MYH7: variants seen among roughly 807,000 people sequenced by gnomAD.
MYH7 encodes myosin heavy chain 7.
A neutral mutation model predicts 225.4 loss-of-function variants in MYH7; 129 were observed. The observed-to-expected ratio is 0.57, with a 90% CI of 0.50 to 0.66. The LOEUF (loss-of-function observed/expected upper bound fraction) is 0.66, where lower values mean the gene tolerates loss of function less well. Among genes scored for constraint, MYH7 ranks in the 30% least tolerant of loss-of-function variants. The pLI, the probability that MYH7 is intolerant of heterozygous loss-of-function variation, is 0.00. For missense variants in MYH7, 1,649 were observed against 2,517.0 expected, an observed-to-expected ratio of 0.66 and a Z score of 7.38; for synonymous variants, 971 against 1,007.6, an observed-to-expected ratio of 0.96 and a Z score of 0.69.
At chr14:23,417,879 C>A in intron 30 of MYH7, 193 bp from the exon 31 acceptor site, 1 of 926,190 alleles carries the variant, frequency 1.1e-6, no homozygotes. Flanking sequence ...CAGGCACCCT[C>A]TGACCCTGGC....
chr14:23,418,294 G>A lies in MYH7; in HGVS notation c.4085C>T (p.Ser1362Phe), dbSNP rs1335436245. 4.3e-6 allele frequency: 7 copies of A among 1,613,662 alleles called. No individual in the cohort carries two copies. Among genetic ancestry groups the A allele is most frequent in the Non-Finnish European group, 5.9e-6 (7 of 1,180,056 alleles). Residue 1362 changes from serine (S) to phenylalanine (F), a missense_variant, in exon 30 of 40, where the codon TCC becomes TTC. Ser to Phe is a radical substitution (Grantham distance 155, BLOSUM62 -2). This residue lies in a region of MYH7 where 687 missense variants were observed against 913.8 expected (regional missense o/e 0.75). Transcript: ENST00000355349. Reference protein sequence around the residue: ...EAKAELQRVLSKANSEVAQWR... With the variant: ...EAKAELQRVLFKANSEVAQWR... ...CTGGGCCACCTCCGAGTTGGCCTTG[G>A]AAAGGACGCGCTGCAGCTCGGCCTT...
chr14:23,417,653 C>T lies in MYH7; in HGVS notation c.4203G>A (p.Glu1401=), dbSNP rs774351170. ...KKLAQRLQEA[E]EAVEAVNAKC... ...TGGCATTAACAGCCTCCACGGCCTC[C>T]TCAGCTTCCTGCAGCCGCTGGGCCA... The change falls in exon 31 of 40, where the codon GAG becomes GAA. Residue 1401 remains glutamate, a synonymous_variant. Coordinates refer to ENST00000355349, the MANE Select transcript of MYH7 (RefSeq NM_000257.4). 1.2e-6 allele frequency: 2 copies of T among 1,612,938 alleles called. No homozygotes were observed. The highest frequency in any genetic ancestry group is 1.7e-5 in the Admixed American group (1 of 60,014).
At chr14:23,413,195 T>TG (rs915816125) in intron 39 of MYH7, among the ~76,000 whole-genome samples, 1 of 152,008 alleles carries the variant, frequency 6.6e-6, no homozygotes, top group Non-Finnish European at 1.5e-5. Context: ...AACTAGCAGT[T>TG]GGGGGGAAAC....
rs76460385 is a variant in MYH7 at position 23,435,332 on chromosome 14, C to A, written c.-65+288G>T. Among the ~76,000 whole-genome samples, 911 of 151,846 alleles carry A rather than the reference C, an allele frequency of 6.0e-3. 6 individuals are homozygous for A. The highest frequency in any genetic ancestry group is 0.02 in the African/African-American group (837 of 41,316). ...TCTGTATCAGTCAGTGAGGTACATA[C>A]CCTTTCTCACATTCAGACTATGCAG... is the stretch of plus-strand genomic sequence containing the variant. On this transcript the variant is annotated intron_variant, in intron 1 of 39. Coordinates refer to ENST00000355349, the MANE Select transcript of MYH7 (RefSeq NM_000257.4).
intron 37 of MYH7, 69 bp from the exon 38 acceptor site, chr14:23,414,171 G>T: frequency 7.2e-7 from 1 of 1,387,022 alleles, no homozygotes; most frequent in Non-Finnish European, 1.0e-6. Flanking sequence ...CCTCCGCCCT[G>T]CCCTGCTTCA....
At position 23,423,947 on chromosome 14, in the gene MYH7, A is replaced by C. The variant is rs727504374; in HGVS notation, c.2882T>G (p.Leu961Arg). 6.2e-7 allele frequency: 1 copy of C among 1,614,134 alleles called. No homozygotes were observed. The highest frequency in any genetic ancestry group is 8.5e-7 in the Non-Finnish European group (1 of 1,180,020). Residue 961 changes from leucine (L) to arginine (R), a missense_variant, in exon 23 of 40, where the codon CTG becomes CGG. By Grantham distance (102) the Leu-to-Arg change is moderately radical (BLOSUM62 -2). Around this residue, in one of 12 missense-constraint regions of MYH7, gnomAD observed 282 missense variants for 315.3 expected, o/e 0.89. Coordinates refer to ENST00000355349, the MANE Select transcript of MYH7 (RefSeq NM_000257.4). ...GTGTTTCTCCTTCTCCACTTTGGCC[A>C]GTGTCAGCTCCAGATCATCGATGTC... Reference protein sequence around the residue: ...KRDIDDLELTLAKVEKEKHAT... With the variant: ...KRDIDDLELTRAKVEKEKHAT...
intron 1 of MYH7, 129 bp from the exon 2 acceptor site, chr14:23,434,378 G>T: frequency 2.0e-6 from 1 of 498,108 alleles, no homozygotes; most frequent in South Asian, 8.5e-5. Flanking sequence ...AGGGTGGTCA[G>T]CTTCTCTGGT....
At position 23,419,977 on chromosome 14, in the gene MYH7, G is replaced by C; in HGVS notation, c.3594C>G (p.Asp1198Glu). 1 of 1,605,138 alleles carries C rather than the reference G, an allele frequency of 6.2e-7. No individual in the cohort carries two copies. The highest frequency in any genetic ancestry group is 2.2e-5 in the East Asian group (1 of 44,730). Residue 1198 changes from aspartate (D) to glutamate (E), a missense_variant, in exon 27 of 40, where the codon GAC (aspartate) becomes GAG (glutamate). Transcript: ENST00000355349. Reference sequence around the variant, plus strand: ...TCTGCTCGCCCAGCTCGGCCACGCTGTCGGCGTGCTTCTTGCGCAGGGCCG... The same window carrying C: ...TCTGCTCGCCCAGCTCGGCCACGCTCTCGGCGTGCTTCTTGCGCAGGGCCG... The part of the protein sequence containing the change: ...TAAALRKKHA[D>E]SVAELGEQID...
chr14:23,426,945 A>G, intron 17 of MYH7, 81 bp from the exon 18 acceptor site: 1 of 1,283,400 alleles, frequency 7.8e-7, no homozygotes, highest in East Asian at 2.4e-5. Flanking sequence ...AGAAGGAAGG[A>G]AAAGAGAGAT....
Position 23,417,632 on chromosome 14 carries a change from A to G in MYH7, c.4224T>C (p.Asn1408=), listed in dbSNP as rs747540624. 4 of 1,612,930 alleles carry G rather than the reference A, an allele frequency of 2.5e-6. No individual in the cohort carries two copies. The highest frequency in any genetic ancestry group is 2.7e-5 in the African/African-American group (2 of 74,918). The change falls in exon 31 of 40, where the codon AAT becomes AAC. Residue 1408 remains asparagine, a synonymous_variant. Coordinates refer to ENST00000355349, the MANE Select transcript of MYH7 (RefSeq NM_000257.4). The part of the protein sequence containing the change: ...QEAEEAVEAV[N]AKCSSLEKTK... ...TCTTCTCCAGCGAGGAGCACTTGGC[A>G]TTAACAGCCTCCACGGCCTCCTCAG...
chr14:23,428,467 G>A lies in MYH7; in HGVS notation c.1578+33C>T, dbSNP rs541146515. On this transcript the variant is annotated intron_variant, in intron 15 of 39. Coordinates refer to ENST00000355349, the MANE Select transcript of MYH7 (RefSeq NM_000257.4). ...CTATGGTGTTCTTGTTGGGTGTGCA[G>A]GGAGAATTCAGGTGGTAAGGCCAAA... is the stretch of plus-strand genomic sequence containing the variant. 42 of 1,614,094 alleles carry A rather than the reference G, an allele frequency of 2.6e-5. No individual in the cohort carries two copies. In the South Asian group the frequency reaches 4.4e-4, roughly 17 times the overall value.
At chr14:23,420,740 A>T (rs866543881) in intron 26 of MYH7, among the ~76,000 whole-genome samples, 24 of 152,152 alleles carry the variant, frequency 1.6e-4, no homozygotes, top group African/African-American at 5.6e-4. Context: ...GGAAGCCAGG[A>T]ATTCTGCCCT....
chr14:23,418,529 G>A lies in MYH7; in HGVS notation c.3973-123C>T, dbSNP rs116897777. 263 of 1,160,386 alleles carry A rather than the reference G, an allele frequency of 2.3e-4. 3 individuals carry two copies. In the East Asian group the frequency reaches 5.9e-3, roughly 26 times the overall value. 71.9% of individuals were successfully genotyped at this position (1,160,386 alleles called of 1,614,324 possible). On this transcript the variant is annotated intron_variant, in intron 29 of 39. Transcript: ENST00000355349. ...GGCCTCATCTATGTCCAAACCCCCA[G>A]TGGACCTGTCATGGTTTACTGTTTG...
chr14:23,427,563 G>A (rs201869659), intron 16 of MYH7, 22 bp downstream of exon 16: 104 of 1,613,100 alleles, frequency 6.4e-5, no homozygotes, highest in East Asian at 3.6e-4. Context: ...CCTCTGTACC[G>A]GGAGCCTCAG....
intron 24 of MYH7, among the ~76,000 whole-genome samples, chr14:23,422,599 C>CTTT (rs1566529561): frequency 9.0e-5 from 10 of 111,636 alleles, no homozygotes; most frequent in African/African-American, 4.4e-4. Flanking sequence ...TTCTTTCTCT[C>CTTT]CTTTCTTTCT....
chr14:23,425,172 C>T lies in MYH7; in HGVS notation c.2423+110G>A. 1.2e-6 allele frequency: 2 copies of T among 1,600,140 alleles called. No homozygotes were observed. Among genetic ancestry groups the T allele is most frequent in the Non-Finnish European group, 1.7e-6 (2 of 1,169,080 alleles). On this transcript the variant is annotated intron_variant, in intron 21 of 39. Transcript: ENST00000355349. The surrounding 1 kb of genome is among the most constrained non-coding windows in gnomAD (Gnocchi z 4.6). ...GACTGCAGTGTGTTCATATGAGCCC[C>T]TCCTGCAGGTCTCTGTGTTTGAAGA...
In MYH7 at chr14:23,418,220, C is replaced by T. The variant is rs730880792; in HGVS notation, c.4159G>A (p.Glu1387Lys). ...TDAIQRTEEL[E>K]EAKKKLAQRL... ...CTGCTCAGAACTCACTTGGCCTCCT[C>T]GAGCTCCTCAGTCCGCTGAATGGCG... The change falls in exon 30 of 40, where the codon GAG becomes AAG. Residue 1387 changes from glutamate (E) to lysine (K), a missense_variant. Glu to Lys is a moderately conservative substitution (Grantham distance 56, BLOSUM62 1). Transcript: ENST00000355349. 4 of 1,613,404 alleles carry T rather than the reference C, an allele frequency of 2.5e-6. No homozygotes were observed. The highest frequency in any genetic ancestry group is 2.2e-5 in the South Asian group (2 of 91,038).
At position 23,417,694 on chromosome 14, in the gene MYH7, G is replaced by C. The variant is rs199632504; in HGVS notation, c.4170-8C>G. ...CGCTGGGCCAGCTTCTTCCTGCCCAGGGGAGGGTGGCAGAGGGTGGGGAGG... is the reference window on the plus strand; with the variant it reads ...CGCTGGGCCAGCTTCTTCCTGCCCACGGGAGGGTGGCAGAGGGTGGGGAGG... On this transcript the variant is annotated splice_region_variant and splice_polypyrimidine_tract_variant and intron_variant, in intron 30 of 39. Transcript: ENST00000355349. 1 of 1,612,454 alleles carries C rather than the reference G, an allele frequency of 6.2e-7. No homozygotes were observed. The highest frequency in any genetic ancestry group is 1.3e-5 in the African/African-American group (1 of 75,028).
In MYH7 at chr14:23,420,988, G is replaced by A. The variant is rs1359993614; in HGVS notation, c.3306C>T (p.Ser1102=). 6.2e-7 allele frequency: 1 copy of A among 1,612,332 alleles called. No homozygotes were observed. The highest frequency in any genetic ancestry group is 1.3e-5 in the African/African-American group (1 of 74,856). Residue 1102 remains serine (S), a synonymous_variant, in exon 26 of 40, where the codon AGC becomes AGT. Transcript: ENST00000355349. Reference sequence around the variant, plus strand: ...GCTCCTTGAGCTTCTTCTGCAGCTGGCTGCCGAGGGCCTGTTCATCCTCAA... The same window carrying A: ...GCTCCTTGAGCTTCTTCTGCAGCTGACTGCCGAGGGCCTGTTCATCCTCAA... The part of the protein sequence containing the change: ...ARIEDEQALG[S]QLQKKLKELQ...
Sources: allele counts gnomAD v4.1 joint callset (sites outside exome capture counted in the v4.1 genomes callset), GRCh38; gene constraint gnomAD v4.1.1; regional missense constraint gnomAD v4.1.1; non-coding constraint Gnocchi (gnomAD v3.1); transcripts MANE v1.5; gene names NCBI Gene and HGNC (gene_info 2026-07-23, HGNC 2026-07-21).